Variants in ENTR1 observed in about 807,000 individuals in gnomAD.
The protein encoded by ENTR1 is endosome associated trafficking regulator 1, also known as endosome-associated-trafficking regulator 1.
A neutral mutation model predicts 47.9 loss-of-function variants in ENTR1; 47 were observed. The ratio of observed to expected loss-of-function variants is 0.98; its 90% CI spans 0.78 to 1.25. ENTR1 has a LOEUF of 1.25. ENTR1 is among the 50% of genes most tolerant of loss of function. The pLI is 0.00. For synonymous variants in ENTR1, 290 were observed against 245.8 expected (o/e 1.18, Z -1.68); for missense variants, 668 against 570.5 (o/e 1.17, Z -1.74).
chr9:136,404,040 C>T lies in ENTR1; in HGVS notation c.1208+15G>A, dbSNP rs752160789. 3 of 1,563,982 alleles carry T rather than the reference C, an allele frequency of 1.9e-6. No individual in the cohort carries two copies. The East Asian group carries it at 7.0e-5, about 37-fold the overall frequency. ...CTTTCCCCGCCAGGCTTCCCGGTGCCTCCCAGGCACTCACTTGATGGAAGC... is the reference window on the plus strand; with the variant it reads ...CTTTCCCCGCCAGGCTTCCCGGTGCTTCCCAGGCACTCACTTGATGGAAGC... On this transcript the variant is annotated intron_variant, in intron 9 of 9. Coordinates refer to ENST00000357365, the MANE Select transcript of ENTR1 (RefSeq NM_001039707.2).
chr9:136,407,657 CCCAATCT>C, intron 4 of ENTR1, 96 bp from the exon 5 acceptor site: 3 of 1,464,214 alleles, frequency 2.0e-6, no homozygotes, highest in Non-Finnish European at 2.7e-6. Flanking sequence ...AGAAGAAAGG[CCCAATCT>C]CTCTACCGGA....
chr9:136,405,462 G>GTGC (rs1267681163), intron 6 of ENTR1: 6 of 456,920 alleles, frequency 1.3e-5, no homozygotes, highest in Non-Finnish European at 2.4e-5. Context: ...CCTTGGCCAG[G>GTGC]CGCCGTGGCT....
rs944868053 is a variant in ENTR1, at chr9:136,406,509, G to A, written c.820-531C>T. Among the ~76,000 whole-genome samples the A allele has an allele frequency of 5.9e-5, 9 of 151,772 alleles. No individual in the cohort carries two copies. The South Asian group carries it at 1.5e-3, about 25-fold the overall frequency. ...TTTCTTTTTTTTGAAACAGAGTTTC[G>A]CCCGTCGCCTAGGCTGGAGTACAGT... is the stretch of plus-strand genomic sequence containing the variant. On this transcript the variant is annotated intron_variant, in intron 5 of 9. Transcript: ENST00000357365.
At chr9:136,410,017 G>T in intron 2 of ENTR1, 73 bp downstream of exon 2, 3 of 1,557,632 alleles carry the variant, frequency 1.9e-6, no homozygotes, top group Non-Finnish European at 2.7e-6. Context: ...GGACGAGCTC[G>T]TGCTGCAGCG....
chr9:136,408,352 GC>G (rs1834882767), intron 3 of ENTR1, among the ~76,000 whole-genome samples: 1 of 152,160 alleles, frequency 6.6e-6, no homozygotes, highest in Non-Finnish European at 1.5e-5. Flanking sequence ...GTCAAGGCGG[GC>G]GGATCACGAG....
chr9:136,405,436 T>C (rs1834719054), intron 6 of ENTR1: 2 of 509,450 alleles, frequency 3.9e-6, no homozygotes. Flanking sequence ...GCTTTTTGCC[T>C]AAAGTTTAAA....
intron 5 of ENTR1, chr9:136,406,878 G>C: frequency 2.6e-6 from 1 of 378,360 alleles, no homozygotes; most frequent in East Asian, 4.0e-5. Context: ...GGCGACTGCA[G>C]CCTGCCTTTA....
rs1834808748 is a variant in ENTR1 at position 136,407,228 on chromosome 9, C to A, written c.736G>T (p.Gly246Trp). ...DSRVSPASPA[G>W]SPSADFAVHG... The stretch of plus-strand genomic sequence containing the variant: ...ACCGCAAAGTCTGCGCTAGGACTCC[C>A]TGCCGGAGAGGCCGGAGACACGCGA... The change falls in exon 5 of 10, where the codon GGG (glycine) becomes TGG (tryptophan). Residue 246 changes from glycine (G) to tryptophan (W), a missense_variant. By Grantham distance (184) the Gly-to-Trp change is radical (BLOSUM62 -2). Transcript: ENST00000357365. 2.5e-6 allele frequency: 4 copies of A among 1,613,144 alleles called. No homozygotes were observed. Among genetic ancestry groups the A allele is most frequent in the Non-Finnish European group, 8.5e-7 (1 of 1,180,016 alleles).
rs569881586 is a variant in ENTR1, at chr9:136,406,514, T to A, written c.820-536A>T. Among the ~76,000 whole-genome samples the A allele has an allele frequency of 2.9e-4, 44 of 150,944 alleles. 1 individual carries two copies. The highest frequency in any genetic ancestry group is 1.0e-3 in the African/African-American group (42 of 41,342). ...TTTTTTTGAAACAGAGTTTCGCCCGTCGCCTAGGCTGGAGTACAGTGGCGT... is the reference window on the plus strand; with the variant it reads ...TTTTTTTGAAACAGAGTTTCGCCCGACGCCTAGGCTGGAGTACAGTGGCGT... On this transcript the variant is annotated intron_variant, in intron 5 of 9. Transcript: ENST00000357365.
intron 6 of ENTR1, 137 bp from the exon 7 acceptor site, chr9:136,405,339 G>T: frequency 1.5e-6 from 1 of 667,122 alleles, no homozygotes; most frequent in Non-Finnish European, 2.6e-6. Flanking sequence ...GGAGGCAGCG[G>T]CAGCCTCAGG....
chr9:136,404,271 G>A, intron 8 of ENTR1, 77 bp from the exon 9 acceptor site: 1 of 1,530,774 alleles, frequency 6.5e-7, no homozygotes, highest in South Asian at 1.3e-5. Context: ...GCGAGGCGAG[G>A]GCTTACCCGT....
At chr9:136,406,461 A>G (rs998796924) in intron 5 of ENTR1, among the ~76,000 whole-genome samples, 2 of 151,602 alleles carry the variant, frequency 1.3e-5, no homozygotes, top group African/African-American at 4.8e-5. Flanking sequence ...AGAGTGAGAC[A>G]CTGTCTCAGG....
chr9:136,403,661 TCA>T (rs1484398022), intron 9 of ENTR1, among the ~76,000 whole-genome samples: 3 of 152,098 alleles, frequency 2.0e-5, no homozygotes. Context: ...CTCACCACTG[TCA>T]CAGTCATGGT....
chr9:136,410,467 G>T lies in ENTR1; in HGVS notation c.-70C>A. ...CGGCTCCATGGCCCCGGCTCCGCCCGTGCCGCGGCCCGCGTCGCCCGCCCC... is the reference window on the plus strand; with the variant it reads ...CGGCTCCATGGCCCCGGCTCCGCCCTTGCCGCGGCCCGCGTCGCCCGCCCC... On this transcript the variant is annotated 5_prime_UTR_variant, in exon 1 of 10. Transcript: ENST00000357365. 9.8e-7 allele frequency: 1 copy of T among 1,021,512 alleles called. No individual in the cohort carries two copies. The highest frequency in any genetic ancestry group is 1.2e-6 in the Non-Finnish European group (1 of 846,372). 63.3% of individuals were successfully genotyped at this position (1,021,512 alleles called of 1,614,324 possible).
Position 136,402,635 on chromosome 9 carries a change from A to G in ENTR1, c.*153T>C. On this transcript the variant is annotated 3_prime_UTR_variant, in exon 10 of 10. Transcript: ENST00000357365. Reference sequence around the variant, plus strand: ...AGGGCTGCTCCCATTGTGGTGGCCAAGAACTGGCTGAGGGCACGACACTGG... The same window carrying G: ...AGGGCTGCTCCCATTGTGGTGGCCAGGAACTGGCTGAGGGCACGACACTGG... 3.7e-6 allele frequency: 2 copies of G among 546,936 alleles called. No individual in the cohort carries two copies. Among genetic ancestry groups the G allele is most frequent in the Admixed American group, 3.2e-5 (1 of 31,152 alleles). The allele number at this position is 546,936 out of a possible 1,614,324, so 33.9% of individuals were successfully genotyped here. A position where few individuals can be genotyped will look rare whatever the true frequency, so the allele number is the denominator to read the frequency against.
intron 2 of ENTR1, 108 bp downstream of exon 2, chr9:136,409,982 G>T: frequency 7.4e-7 from 1 of 1,355,286 alleles, no homozygotes. Context: ...CACGCAGTGA[G>T]CGCTCTGCAC....
chr9:136,407,117 G>C (rs764808740), intron 5 of ENTR1, 28 bp downstream of exon 5: 3 of 1,561,328 alleles, frequency 1.9e-6, no homozygotes, highest in Non-Finnish European at 2.6e-6. Context: ...CAGGCGCTGT[G>C]CCAGAGGGCG....
chr9:136,407,706 C>CT, intron 4 of ENTR1, 120 bp downstream of exon 4: 1 of 1,353,996 alleles, frequency 7.4e-7, no homozygotes. Context: ...CCCAGAGCTG[C>CT]TCCCCAGCAC....
chr9:136,404,820 C>A, intron 7 of ENTR1, 127 bp from the exon 8 acceptor site: 1 of 904,926 alleles, frequency 1.1e-6, no homozygotes, highest in Non-Finnish European at 1.7e-6. Context: ...AGCCCCTGTG[C>A]CCCTCCCAGT....
Sources: allele counts gnomAD v4.1 joint callset (sites outside exome capture counted in the v4.1 genomes callset), GRCh38; gene constraint gnomAD v4.1.1; transcripts MANE v1.5; gene names NCBI Gene and HGNC (gene_info 2026-07-23, HGNC 2026-07-21).